The following GRTP1 variants were observed in gnomAD, a reference collection of about 807,000 sequenced individuals.
GRTP1 encodes the protein growth hormone-regulated TBC protein 1.
Under a neutral mutation model 38.1 loss-of-function variants are expected in GRTP1, and 56 were observed. The ratio of observed to expected loss-of-function variants is 1.47; its 90% CI spans 1.19 to 1.84. The LOEUF is 1.84. GRTP1 is among the 40% of genes most tolerant of loss of function. The probability of loss-of-function intolerance (pLI) is 0.00; values close to 1 mark genes in which losing one functional copy is unlikely to be tolerated. For missense variants in GRTP1, 506 were observed against 453.9 expected, an observed-to-expected ratio of 1.11 and a Z score of -1.04; for synonymous variants, 217 against 189.5, an observed-to-expected ratio of 1.14 and a Z score of -1.19.
At position 113,363,913 on chromosome 13, in the gene GRTP1, G is replaced by T; in HGVS notation, c.33-3C>A. On this transcript the variant is annotated splice_polypyrimidine_tract_variant and splice_region_variant and intron_variant, in intron 1 of 7. Coordinates refer to ENST00000375431, the MANE Select transcript of GRTP1 (RefSeq NM_024719.4). ...GCTCGAATCCGTACGGGTCGATCCTGCAAAACCGAGAGAAGGAGGCCGGCG... is the reference window on the plus strand; with the variant it reads ...GCTCGAATCCGTACGGGTCGATCCTTCAAAACCGAGAGAAGGAGGCCGGCG... 6.2e-7 allele frequency: 1 copy of T among 1,609,254 alleles called. No individual in the cohort carries two copies. The highest frequency in any genetic ancestry group is 1.1e-5 in the South Asian group (1 of 90,924).
chr13:113,343,321 C>CCTG lies in GRTP1; in HGVS notation c.562+1539_562+1541dup, dbSNP rs779830017. Among the ~76,000 whole-genome samples the CCTG allele has an allele frequency of 5.9e-5, 9 of 152,018 alleles. No homozygotes were observed. Among genetic ancestry groups the CCTG allele is most frequent in the African/African-American group, 7.2e-5 (3 of 41,414 alleles). On this transcript the variant is annotated intron_variant, in intron 5 of 7. Coordinates refer to ENST00000375431, the MANE Select transcript of GRTP1 (RefSeq NM_024719.4). The surrounding 1 kb of genome is among the most constrained non-coding windows in gnomAD (Gnocchi z 4.8). Reference sequence around the variant, plus strand: ...ATCCTTTCCGCCCTGCGAGGTTCTGCCTGCTGCTGCTGCTGCTGCACTGGG... The same window carrying CCTG: ...ATCCTTTCCGCCCTGCGAGGTTCTGCCTGCTGCTGCTGCTGCTGCTGCACTGGG...
intron 2 of GRTP1, among the ~76,000 whole-genome samples, chr13:113,357,427 G>C (rs898426846): frequency 5.0e-5 from 6 of 121,184 alleles, no homozygotes; most frequent in African/African-American, 6.8e-5. Flanking sequence ...CCTGGCGACA[G>C]AGTGACACTG....
In GRTP1 at chr13:113,349,449, A is replaced by C. The variant is rs113060922; in HGVS notation, c.465+1400T>G. 0.011 allele frequency among the ~76,000 whole-genome samples: 1,678 copies of C among 152,346 alleles called. 30 individuals carry two copies. Among genetic ancestry groups the C allele is most frequent in the African/African-American group, 0.039 (1,616 of 41,576 alleles). ...AGCTGTTTTTAAAACACAAAGGAGC[A>C]GTAAATAGAATGATGTAGAGGATTT... On this transcript the variant is annotated intron_variant, in intron 4 of 7. Transcript: ENST00000375431. The surrounding 1 kb of genome is among the most constrained non-coding windows in gnomAD (Gnocchi z 5.0).
Position 113,346,196 on chromosome 13 carries a change from G to C in GRTP1, c.466-1237C>G, listed in dbSNP as rs868154408. On this transcript the variant is annotated intron_variant, in intron 4 of 7. Transcript: ENST00000375431. The stretch of plus-strand genomic sequence containing the variant: ...GACCCGGGAGGACCTCTGTGGCTGA[G>C]AGCAGACCCGGGAGGACCTCTGTGG... Among the ~76,000 whole-genome samples, 469 of 75,284 alleles carry C rather than the reference G, an allele frequency of 6.2e-3. 8 individuals are homozygous for C. The highest frequency in any genetic ancestry group is 0.015 in the African/African-American group (277 of 18,652). The allele number at this position is 75,284 out of a possible 152,430, so 49.4% of individuals were successfully genotyped here.
At chr13:113,336,531 G>A (rs527573105) in intron 5 of GRTP1, among the ~76,000 whole-genome samples, 2 of 152,158 alleles carry the variant, frequency 1.3e-5, no homozygotes, top group South Asian at 2.1e-4. Context: ...TGAAGAACAG[G>A]GGGGCTCTGG....
chr13:113,324,316 G>T lies in GRTP1; in HGVS notation c.*172C>A. On this transcript the variant is annotated 3_prime_UTR_variant, in exon 8 of 8. Transcript: ENST00000375431. The stretch of plus-strand genomic sequence containing the variant: ...ATGACTTCATAGCTAATCATCAAAA[G>T]CTGGTAGAATGACCTGATTTTAAAC... The T allele has an allele frequency of 1.0e-6, 1 of 962,000 alleles. No individual in the cohort carries two copies. Among genetic ancestry groups the T allele is most frequent in the Non-Finnish European group, 1.4e-6 (1 of 713,726 alleles). 59.6% of individuals were successfully genotyped at this position (962,000 alleles called of 1,614,324 possible).
At chr13:113,355,241 A>G (rs1677489185) in intron 3 of GRTP1, 82 bp downstream of exon 3, 1 of 1,456,346 alleles carries the variant, frequency 6.9e-7, no homozygotes, top group Non-Finnish European at 9.4e-7. Flanking sequence ...TCACCCCTGG[A>G]CGCTGAGGCT....
Position 113,364,118 on chromosome 13 carries a change from C to G in GRTP1, c.-67G>C. 8.5e-7 allele frequency: 1 copy of G among 1,174,286 alleles called. No homozygotes were observed. Among genetic ancestry groups the G allele is most frequent in the Non-Finnish European group, 1.0e-6 (1 of 958,908 alleles). The allele number at this position is 1,174,286 out of a possible 1,614,324, so 72.7% of individuals were successfully genotyped here. ...AAGTTCGCCTCCCGGCTCCGGGGCG[C>G]TTAAGTCCTTCCGGCGGGACCGCGG... On this transcript the variant is annotated 5_prime_UTR_variant, in exon 1 of 8. Coordinates refer to ENST00000375431, the MANE Select transcript of GRTP1 (RefSeq NM_024719.4).
At chr13:113,344,726 AAAAAAAAAAC>A (rs1228397450) in intron 5 of GRTP1, 127 bp downstream of exon 5, 186 of 437,208 alleles carry the variant, frequency 4.3e-4, no homozygotes, top group African/African-American at 3.4e-3. Flanking sequence ...AAAAAAAAAA[AAAAAAAAAAC>A]GGTTTGTAAC....
intron 2 of GRTP1, among the ~76,000 whole-genome samples, chr13:113,356,172 A>G (rs1595511857): frequency 6.6e-6 from 1 of 152,342 alleles, no homozygotes; most frequent in East Asian, 1.9e-4. Flanking sequence ...AAGCTGCGAC[A>G]CTGTGCTCTT....
Position 113,350,925 on chromosome 13 carries a change from T to G in GRTP1, c.389A>C (p.Asp130Ala), listed in dbSNP as rs2043254355. Residue 130 changes from aspartate (D) to alanine (A), a missense_variant, in exon 4 of 8, where the codon GAC becomes GCC. Asp to Ala is a moderately radical substitution (Grantham distance 126). Transcript: ENST00000375431. Reference sequence around the variant, plus strand: ...GTACAGGGTCCTCTGTAAGCAGGGGTCCGTGGTCTTCCGGAACTTCACGTT... The same window carrying G: ...GTACAGGGTCCTCTGTAAGCAGGGGGCCGTGGTCTTCCGGAACTTCACGTT... Reference protein sequence around the residue: ...PDNVKFRKTTDPCLQRTLYNV... With the variant: ...PDNVKFRKTTAPCLQRTLYNV... The G allele has an allele frequency of 1.2e-6, 2 of 1,613,336 alleles. No homozygotes were observed. Among genetic ancestry groups the G allele is most frequent in the Non-Finnish European group, 1.7e-6 (2 of 1,179,512 alleles).
chr13:113,344,791 T>G, intron 5 of GRTP1, 72 bp downstream of exon 5: 1 of 1,410,948 alleles, frequency 7.1e-7, no homozygotes, highest in Middle Eastern at 1.8e-4. Context: ...AAATTTTGAT[T>G]TCTCAGCGGA....
intron 5 of GRTP1, among the ~76,000 whole-genome samples, chr13:113,337,948 G>C (rs1415784074): frequency 6.6e-6 from 1 of 152,278 alleles, no homozygotes; most frequent in African/African-American, 2.4e-5. Context: ...CTCCCAGCCA[G>C]AGCTGAGGTA....
chr13:113,356,910 G>A (rs1595512776), intron 2 of GRTP1, among the ~76,000 whole-genome samples: 1 of 152,172 alleles, frequency 6.6e-6, no homozygotes, highest in Non-Finnish European at 1.5e-5. Flanking sequence ...GGGAACCTGG[G>A]AGGCAGTAAT....
intron 2 of GRTP1, among the ~76,000 whole-genome samples, chr13:113,356,255 ATATTTTATTT>A (rs555634470): frequency 8.5e-5 from 13 of 152,156 alleles, no homozygotes; most frequent in East Asian, 1.9e-4. Context: ...TACACTATAT[ATATTTTATTT>A]TATTTTATTT....
chr13:113,347,246 GGGAGGACCTCTGTGGCTGAGAGCA>G (rs1595498339), intron 4 of GRTP1, among the ~76,000 whole-genome samples: 10 of 25,862 alleles, frequency 3.9e-4, no homozygotes, highest in South Asian at 3.9e-3. Context: ...GAGCGGACCT[GGGAGGACCTCTGTGGCTGAGAGCA>G]GACCCGGGAG....
At chr13:113,325,552 C>G (rs1371761195) in intron 7 of GRTP1, 109 bp downstream of exon 7, 3 of 1,579,458 alleles carry the variant, frequency 1.9e-6, no homozygotes, top group Non-Finnish European at 2.6e-6. Flanking sequence ...GTGCCCTATG[C>G]CCACTGGTGC....
chr13:113,354,757 C>A (rs1487662663), intron 3 of GRTP1, among the ~76,000 whole-genome samples: 1 of 152,140 alleles, frequency 6.6e-6, no homozygotes, highest in Non-Finnish European at 1.5e-5. Flanking sequence ...GAACTCCTGA[C>A]CTCAGGTGAT....
chr13:113,359,574 G>C (rs939131090), intron 2 of GRTP1: 1 of 152,118 alleles, frequency 6.6e-6, no homozygotes, highest in African/African-American at 2.4e-5. Flanking sequence ...ACCCTGTCTC[G>C]ATAATAACAA....
Sources: allele counts gnomAD v4.1 joint callset (sites outside exome capture counted in the v4.1 genomes callset), GRCh38; gene constraint gnomAD v4.1.1; non-coding constraint Gnocchi (gnomAD v3.1); transcripts MANE v1.5; gene names NCBI Gene and HGNC (gene_info 2026-07-23, HGNC 2026-07-21).